The following KLHL13 variants were observed in gnomAD, a reference collection of about 807,000 sequenced individuals.
KLHL13 encodes kelch like family member 13, also known as kelch-like protein 13.
In KLHL13, 10 loss-of-function variants were observed where a neutral mutation model predicts 37.1. That is an observed-to-expected ratio of 0.27 (90% CI 0.17 to 0.46). The LOEUF (loss-of-function observed/expected upper bound fraction) is 0.46. KLHL13 is among the 20% of genes least tolerant of loss of function. The pLI is 1.00. For missense variants in KLHL13, 360 were observed against 509.3 expected (o/e 0.71, Z 2.82); for synonymous variants, 163 against 181.2 (o/e 0.90, Z 0.81).
intron 1 of KLHL13, among the ~76,000 whole-genome samples, chrX:118,078,196 A>G (rs1784074178): frequency 8.9e-6 from 1 of 112,026 alleles, no homozygotes; most frequent in Non-Finnish European, 1.9e-5. Flanking sequence ...TTTCATAATC[A>G]CAAATGGTGG....
At chrX:117,977,447 C>A (rs772324950), upstream of KLHL13, among the ~76,000 whole-genome samples, 6 of 111,483 alleles carry the variant, frequency 5.4e-5, no homozygotes, top group Non-Finnish European at 1.1e-4. Flanking sequence ...GTCACCAGTA[C>A]CACCTCACCA....
chrX:117,908,210 TTCTG>T (rs1019213187), intron 5 of KLHL13, among the ~76,000 whole-genome samples: 12 of 108,659 alleles, frequency 1.1e-4, no homozygotes, highest in Non-Finnish European at 2.1e-4. Flanking sequence ...CTTTCTGTCT[TTCTG>T]TCTTTTTTGT....
intron 1 of KLHL13, chrX:117,983,435 G>GAAAAAA: frequency 1.4e-6 from 1 of 703,204 alleles, no homozygotes; most frequent in South Asian, 3.4e-5. Context: ...AATTCGCACT[G>GAAAAAA]AAAAAAAAAA....
At chrX:118,022,913 G>C (rs2054235115) in intron 1 of KLHL13, among the ~76,000 whole-genome samples, 1 of 111,916 alleles carries the variant, frequency 8.9e-6, no homozygotes, top group South Asian at 3.7e-4. Flanking sequence ...GCCAAGGCCA[G>C]TATCAAGGAG....
At chrX:118,085,452 G>GT (rs1308605219) in intron 1 of KLHL13, among the ~76,000 whole-genome samples, 7 of 110,473 alleles carry the variant, frequency 6.3e-5, no homozygotes, top group African/African-American at 1.3e-4. Context: ...TATTTCAATA[G>GT]TTTGGGGGGT....
intron 1 of KLHL13, among the ~76,000 whole-genome samples, chrX:118,030,949 C>T (rs1041485606): frequency 2.7e-5 from 3 of 111,886 alleles, no homozygotes; most frequent in African/African-American, 6.5e-5. Context: ...TTCAACCAAC[C>T]CTCCTACTGT....
chrX:118,007,626 G>T (rs2054001382), intron 1 of KLHL13, among the ~76,000 whole-genome samples: 1 of 111,256 alleles, frequency 9.0e-6, no homozygotes, highest in Non-Finnish European at 1.9e-5. Context: ...TTTTATTCTA[G>T]CTATCTATAG....
At chrX:118,038,320 G>T (rs1435332189) in intron 1 of KLHL13, among the ~76,000 whole-genome samples, 1 of 112,112 alleles carries the variant, frequency 8.9e-6, no homozygotes, top group Admixed American at 9.4e-5. Context: ...ACACAAAAAA[G>T]AACTTTCATA....
At chrX:118,021,287 T>C (rs1213877043) in intron 1 of KLHL13, among the ~76,000 whole-genome samples, 1 of 106,132 alleles carries the variant, frequency 9.4e-6, no homozygotes, top group Non-Finnish European at 1.9e-5. Flanking sequence ...ATGTGCACAA[T>C]GTGCAGGTTA....
intron 1 of KLHL13, among the ~76,000 whole-genome samples, chrX:118,088,986 A>C (rs1194678805): frequency 9.0e-6 from 1 of 111,657 alleles, no homozygotes; most frequent in African/African-American, 3.3e-5. Context: ...CAGTGAGCAC[A>C]AACCAAAAAC....
intron 1 of KLHL13, among the ~76,000 whole-genome samples, chrX:118,101,944 T>G (rs187998792): frequency 3.8e-4 from 43 of 112,098 alleles, no homozygotes; most frequent in Admixed American, 3.1e-3. Context: ...CTTTCCTTTA[T>G]AAATTATCCA....
At chrX:117,939,997 T>G (rs1448249624) in intron 2 of KLHL13, among the ~76,000 whole-genome samples, 1 of 112,108 alleles carries the variant, frequency 8.9e-6, no homozygotes, top group East Asian at 2.8e-4. Flanking sequence ...TTTGGTGTGT[T>G]AGTCATCAAC....
chrX:118,003,961 G>A (rs942574090), intron 1 of KLHL13, among the ~76,000 whole-genome samples: 4 of 110,968 alleles, frequency 3.6e-5, no homozygotes, highest in African/African-American at 1.3e-4. Context: ...GTGGACTGAT[G>A]TGGTACGGTG....
chrX:118,064,630 G>A (rs1484068142), intron 1 of KLHL13, among the ~76,000 whole-genome samples: 2 of 111,624 alleles, frequency 1.8e-5, no homozygotes, highest in African/African-American at 6.5e-5. Flanking sequence ...ACAAGAAAAT[G>A]AACTGAATAG....
In KLHL13 at chrX:117,930,282, A is replaced by AGGCAGGC. The variant is rs1195134095; in HGVS notation, c.241-9913_241-9912insGCCTGCC. On this transcript the variant is annotated intron_variant, in intron 2 of 6. Transcript: ENST00000262820. ...GAAGGAAGGAAGGAAGGAAGGAAGG[A>AGGCAGGC]AGGAAGGAAGGCAGGCAGGCAGGCA... Among the ~76,000 whole-genome samples, 97 of 90,196 alleles carry AGGCAGGC rather than the reference A, an allele frequency of 1.1e-3. 1 individual carries two copies. Among genetic ancestry groups the AGGCAGGC allele is most frequent in the African/African-American group, 4.2e-3 (77 of 18,404 alleles). 78.3% of individuals were successfully genotyped at this position (90,196 alleles called of 115,157 possible).
intron 1 of KLHL13, among the ~76,000 whole-genome samples, chrX:118,001,776 G>A (rs1280758705): frequency 9.3e-6 from 1 of 107,256 alleles, no homozygotes; most frequent in East Asian, 3.0e-4. Flanking sequence ...GAAGTGGGAG[G>A]ATCACTTGAG....
Position 118,034,465 on chromosome X carries a change from A to C in KLHL13, c.-56+82043T>G, listed in dbSNP as rs1306018340. Among the ~76,000 whole-genome samples, 5 of 98,158 alleles carry C rather than the reference A, an allele frequency of 5.1e-5. No individual in the cohort carries two copies. In the South Asian group the frequency reaches 1.5e-3, roughly 30 times the overall value. 85.2% of individuals were successfully genotyped at this position (98,158 alleles called of 115,157 possible). A position where few individuals can be genotyped will look rare whatever the true frequency, so the allele number is the denominator to read the frequency against. On this transcript the variant is annotated intron_variant, in intron 1 of 6. Transcript: ENST00000371882. ...CTCAAAGCCGCTCAACTACATGGAA[A>C]CTGAACAACCTGCTACTGAATGACT...
At chrX:117,965,540 C>T (rs966058221) in intron 1 of KLHL13, among the ~76,000 whole-genome samples, 4 of 111,462 alleles carry the variant, frequency 3.6e-5, no homozygotes, top group Middle Eastern at 4.6e-3. Context: ...GGGAATCCTC[C>T]CTAACTCATT....
chrX:118,080,808 C>T (rs767064951), intron 1 of KLHL13, among the ~76,000 whole-genome samples: 3 of 111,976 alleles, frequency 2.7e-5, no homozygotes, highest in African/African-American at 9.7e-5. Flanking sequence ...TACACGTGCA[C>T]TTGTATGTTC....
Sources: allele counts gnomAD v4.1 joint callset (sites outside exome capture counted in the v4.1 genomes callset), GRCh38; gene constraint gnomAD v4.1.1; transcripts MANE v1.5; gene names NCBI Gene and HGNC (gene_info 2026-07-23, HGNC 2026-07-21).